The following FRAS1 variants were observed in gnomAD, a reference collection of about 807,000 sequenced individuals.
The protein encoded by FRAS1 is extracellular matrix organizing protein FRAS1.
A neutral mutation model predicts 435.2 loss-of-function variants in FRAS1; 290 were observed. The observed-to-expected ratio is 0.67, with a 90% CI of 0.61 to 0.73. The LOEUF is 0.73. FRAS1 is among the 30% of genes least tolerant of loss of function. The probability of loss-of-function intolerance (pLI) is 0.00; values close to 1 mark genes in which losing one functional copy is unlikely to be tolerated. For missense variants in FRAS1, 4,860 were observed against 5,001.5 expected (o/e 0.97, Z 0.85); for synonymous variants, 1,800 against 1,851.0 (o/e 0.97, Z 0.71).
chr4:78,382,053 C>T (rs577797749), intron 27 of FRAS1, among the ~76,000 whole-genome samples: 64 of 152,224 alleles, frequency 4.2e-4, no homozygotes, highest in African/African-American at 1.4e-3. Flanking sequence ...AGACACTGAC[C>T]GTGATTCTTT....
Position 78,537,218 on chromosome 4 carries a change from T to A in FRAS1, c.11298+18T>A, listed in dbSNP as rs768890768. 13 of 1,608,328 alleles carry A rather than the reference T, an allele frequency of 8.1e-6. No individual in the cohort carries two copies. The highest frequency in any genetic ancestry group is 1.7e-4 in the Middle Eastern group (1 of 6,046). On this transcript the variant is annotated intron_variant, in intron 72 of 73. Coordinates refer to ENST00000512123, the MANE Select transcript of FRAS1 (RefSeq NM_025074.7). ...TGCTGTTGGTATGCTAAGTTCTCAC[T>A]ATTAGTGTTAAAGAGCAGACACTTG... is the stretch of plus-strand genomic sequence containing the variant.
intron 5 of FRAS1, 85 bp downstream of exon 5, chr4:78,252,636 AT>A: frequency 8.0e-7 from 1 of 1,257,080 alleles, no homozygotes; most frequent in Admixed American, 2.6e-5. Flanking sequence ...ATATTTCAAC[AT>A]AGGTTCTTTC....
intron 18 of FRAS1, among the ~76,000 whole-genome samples, chr4:78,332,825 T>G (rs974875046): frequency 3.9e-5 from 6 of 152,330 alleles, no homozygotes; most frequent in East Asian, 3.9e-4. Context: ...GTCTCCATCA[T>G]AGCGTAGGCA....
intron 45 of FRAS1, 84 bp downstream of exon 45, chr4:78,450,423 T>C (rs1449181472): frequency 2.7e-5 from 30 of 1,121,932 alleles, no homozygotes; most frequent in Non-Finnish European, 3.5e-5. Flanking sequence ...TGGTAGTCTA[T>C]GGCAATAAAC....
intron 6 of FRAS1, among the ~76,000 whole-genome samples, chr4:78,255,843 T>G (rs962037744): frequency 1.3e-5 from 2 of 152,242 alleles, no homozygotes; most frequent in African/African-American, 4.8e-5. Flanking sequence ...TCTGAGGACG[T>G]TTAAGATAGT....
At chr4:78,334,059 G>T (rs1321295324) in intron 19 of FRAS1, among the ~76,000 whole-genome samples, 1 of 152,198 alleles carries the variant, frequency 6.6e-6, no homozygotes, top group Non-Finnish European at 1.5e-5. Context: ...AAAGTGCTGA[G>T]ATTACAGATG....
chr4:78,437,022 T>C (rs2109821098), intron 38 of FRAS1, among the ~76,000 whole-genome samples: 1 of 152,340 alleles, frequency 6.6e-6, no homozygotes, highest in South Asian at 2.1e-4. Context: ...ACAAGGTCTG[T>C]ATTCTTATGC....
intron 61 of FRAS1, among the ~76,000 whole-genome samples, chr4:78,506,475 G>T (rs548584141): frequency 6.6e-6 from 1 of 152,330 alleles, no homozygotes; most frequent in Admixed American, 6.5e-5. Context: ...CCCTCCCCCA[G>T]CCAGGCTACA....
At chr4:78,425,507 A>C (rs983421112) in intron 35 of FRAS1, among the ~76,000 whole-genome samples, 6 of 152,230 alleles carry the variant, frequency 3.9e-5, no homozygotes, top group African/African-American at 1.4e-4. Flanking sequence ...TCAACCATCC[A>C]TGCGCACTGT....
At chr4:78,206,462 T>C (rs946692418) in intron 2 of FRAS1, among the ~76,000 whole-genome samples, 1 of 152,182 alleles carries the variant, frequency 6.6e-6, no homozygotes, top group African/African-American at 2.4e-5. Context: ...CATAAAATAA[T>C]ACATTTTTTG....
At chr4:78,338,807 G>A (rs1730282820) in intron 20 of FRAS1, among the ~76,000 whole-genome samples, 1 of 152,216 alleles carries the variant, frequency 6.6e-6, no homozygotes, top group South Asian at 2.1e-4. Context: ...TGAGGGTGGG[G>A]CGGGGCACAG....
Position 78,058,104 on chromosome 4 carries a change from G to T in FRAS1, c.76+19G>T. ...TCCGAAGGTGAGAGAGCGGTGCCGC[G>T]TGTGTGTGTGTGTGTGCGTGTGCGT... is the stretch of plus-strand genomic sequence containing the variant. On this transcript the variant is annotated intron_variant, in intron 1 of 73. Coordinates refer to ENST00000512123, the MANE Select transcript of FRAS1 (RefSeq NM_025074.7). 3.8e-6 allele frequency: 4 copies of T among 1,054,022 alleles called. No individual in the cohort carries two copies. Among genetic ancestry groups the T allele is most frequent in the Non-Finnish European group, 5.0e-6 (4 of 805,850 alleles). The allele number at this position is 1,054,022 out of a possible 1,614,324, so 65.3% of individuals were successfully genotyped here. A position where few individuals can be genotyped will look rare whatever the true frequency, so the allele number is the denominator to read the frequency against.
chr4:78,181,537 T>C (rs547405615), intron 2 of FRAS1: 5 of 1,611,612 alleles, frequency 3.1e-6, no homozygotes, highest in Non-Finnish European at 4.2e-6. Flanking sequence ...CCCCTCGACC[T>C]CTTCCAAGAC....
chr4:78,371,125 G>A (rs1348181292), intron 23 of FRAS1, among the ~76,000 whole-genome samples: 3 of 136,278 alleles, frequency 2.2e-5, no homozygotes, highest in Non-Finnish European at 4.6e-5. Context: ...ACCAGTAGCT[G>A]TCAGTTTGTG....
intron 2 of FRAS1, among the ~76,000 whole-genome samples, chr4:78,086,210 A>C (rs1168820658): frequency 2.0e-5 from 3 of 152,178 alleles, no homozygotes; most frequent in East Asian, 3.8e-4. Flanking sequence ...AGAAATAAAG[A>C]TGTTCTTTGA....
intron 29 of FRAS1, among the ~76,000 whole-genome samples, chr4:78,396,105 A>G (rs941432263): frequency 1.3e-5 from 2 of 152,074 alleles, no homozygotes; most frequent in African/African-American, 4.8e-5. Flanking sequence ...ACTTATCTCC[A>G]ATTGCATACA....
At chr4:78,258,948 T>C (rs368460940) in intron 6 of FRAS1, among the ~76,000 whole-genome samples, 1 of 132,702 alleles carries the variant, frequency 7.5e-6, no homozygotes, top group East Asian at 2.2e-4. Flanking sequence ...TGAGTGAGAA[T>C]ATGCAGTGTT....
chr4:78,440,012 C>T (rs115053947), intron 40 of FRAS1, among the ~76,000 whole-genome samples: 3,238 of 145,750 alleles, frequency 0.022, 136 homozygotes, highest in African/African-American at 0.077. Flanking sequence ...AAAACTAAGT[C>T]ATTTCTTTTT....
At chr4:78,076,052 T>G (rs1311308333) in intron 2 of FRAS1, among the ~76,000 whole-genome samples, 1 of 152,178 alleles carries the variant, frequency 6.6e-6, no homozygotes, top group Admixed American at 6.5e-5. Context: ...AACTGATTAG[T>G]ATATTGTTGG....
Sources: allele counts gnomAD v4.1 joint callset (sites outside exome capture counted in the v4.1 genomes callset), GRCh38; gene constraint gnomAD v4.1.1; transcripts MANE v1.5; gene names NCBI Gene and HGNC (gene_info 2026-07-23, HGNC 2026-07-21).